The following AGBL1 variants were observed in gnomAD, a reference collection of about 807,000 sequenced individuals.
The protein encoded by AGBL1 is cytosolic carboxypeptidase 4.
A neutral mutation model predicts 118.9 loss-of-function variants in AGBL1; 130 were observed. The observed-to-expected ratio is 1.09, with a 90% CI of 0.95 to 1.26. The LOEUF is 1.26. Among genes scored for constraint, AGBL1 ranks in the 50% most tolerant of loss-of-function variants. The probability of loss-of-function intolerance (pLI) is 0.00; values close to 1 mark genes in which losing one functional copy is unlikely to be tolerated. For missense variants in AGBL1, 1,584 were observed against 1,298.1 expected (o/e 1.22, Z -3.38); for synonymous variants, 555 against 478.9 (o/e 1.16, Z -2.08).
rs541772047 is a variant in AGBL1 at position 86,883,406 on chromosome 15, C to A, written c.3159-23681C>A. Among the ~76,000 whole-genome samples the A allele has an allele frequency of 6.2e-4, 95 of 152,346 alleles. 1 individual carries two copies. The highest frequency in any genetic ancestry group is 2.2e-3 in the African/African-American group (91 of 41,588). The stretch of plus-strand genomic sequence containing the variant: ...CAGCATTCGCTGTGCACACTATGGT[C>A]TCCCATAATGCAGGATTTTGTGTGT... On this transcript the variant is annotated intron_variant, in intron 22 of 22. Transcript: ENST00000614907.
At chr15:86,376,170 G>A (rs1227769865) in intron 17 of AGBL1, among the ~76,000 whole-genome samples, 13 of 152,220 alleles carry the variant, frequency 8.5e-5, no homozygotes, top group Non-Finnish European at 1.5e-4. Flanking sequence ...GGAGAAAGAT[G>A]TCAGAAGGAT....
chr15:86,327,655 T>C (rs1032115577), intron 17 of AGBL1, among the ~76,000 whole-genome samples: 1 of 152,226 alleles, frequency 6.6e-6, no homozygotes, highest in South Asian at 2.1e-4. Context: ...CGAACCATTG[T>C]GAGCATATGG....
chr15:86,230,452 T>C (rs2078437743), intron 6 of AGBL1, among the ~76,000 whole-genome samples: 2 of 152,244 alleles, frequency 1.3e-5, no homozygotes, highest in South Asian at 4.1e-4. Flanking sequence ...CTCATGACCA[T>C]GCACAAGTAC....
In AGBL1 at chr15:86,613,456, G is replaced by T. The variant is rs1396529771; in HGVS notation, c.2994+58919G>T. ...AGATGAGTGGCAGGAGGAGCTGTGG[G>T]CATTTAGCTCAGACAGAGAAGGCTT... On this transcript the variant is annotated intron_variant, in intron 21 of 22. Coordinates refer to ENST00000614907, the MANE Select transcript of AGBL1 (RefSeq NM_001386094.1). This position sits in a 1 kb window ranked among gnomAD's most constrained non-coding sequence, Gnocchi z 4.2. Among the ~76,000 whole-genome samples the T allele has an allele frequency of 6.6e-6, 1 of 152,172 alleles. No individual in the cohort carries two copies. The highest frequency in any genetic ancestry group is 2.4e-5 in the African/African-American group (1 of 41,444).
At chr15:86,476,238 C>T (rs1394955643) in intron 18 of AGBL1, among the ~76,000 whole-genome samples, 3 of 152,104 alleles carry the variant, frequency 2.0e-5, no homozygotes, top group African/African-American at 7.2e-5. Flanking sequence ...CAATATTAAC[C>T]TTAAATGTAA....
intron 24 of AGBL1, among the ~76,000 whole-genome samples, chr15:86,999,247 T>A (rs2081410683): frequency 6.6e-6 from 1 of 151,532 alleles, no homozygotes. Context: ...TACTTTTAAG[T>A]TTTAGGGTAC....
At chr15:86,163,995 G>A (rs2077303092) in intron 5 of AGBL1, among the ~76,000 whole-genome samples, 1 of 152,208 alleles carries the variant, frequency 6.6e-6, no homozygotes, top group South Asian at 2.1e-4. Flanking sequence ...GGTGCCTTCT[G>A]GGAGAGAACT....
intron 22 of AGBL1, among the ~76,000 whole-genome samples, chr15:86,696,468 G>A (rs1417952731): frequency 6.6e-6 from 1 of 151,614 alleles, no homozygotes; most frequent in Non-Finnish European, 1.5e-5. Context: ...AAGTCTATAT[G>A]AGTCCTTATG....
chr15:86,874,100 G>A (rs2079769087), intron 22 of AGBL1, among the ~76,000 whole-genome samples: 1 of 152,046 alleles, frequency 6.6e-6, no homozygotes, highest in East Asian at 1.9e-4. Flanking sequence ...TTCAGCTATG[G>A]AAGTGCTTTG....
intron 3 of AGBL1, among the ~76,000 whole-genome samples, chr15:86,147,643 G>T (rs2077050788): frequency 6.6e-6 from 1 of 152,182 alleles, no homozygotes; most frequent in African/African-American, 2.4e-5. Context: ...GCTCTTCAAG[G>T]CCTACTGCCT....
intron 5 of AGBL1, among the ~76,000 whole-genome samples, chr15:86,195,104 C>T (rs1241304247): frequency 6.6e-6 from 1 of 152,050 alleles, no homozygotes; most frequent in East Asian, 1.9e-4. Flanking sequence ...TTATTGAGAG[C>T]TTACTATAGG....
intron 22 of AGBL1, among the ~76,000 whole-genome samples, chr15:86,862,534 A>G (rs976420186): frequency 1.3e-5 from 2 of 152,202 alleles, no homozygotes; most frequent in Non-Finnish European, 2.9e-5. Context: ...AGCCTGGCCA[A>G]CATGGTGGAA....
chr15:86,978,677 G>A (rs564637049), intron 23 of AGBL1, among the ~76,000 whole-genome samples: 1 of 152,174 alleles, frequency 6.6e-6, no homozygotes, highest in Non-Finnish European at 1.5e-5. Context: ...GATCACGTTA[G>A]CACCTCTGGG....
chr15:86,709,571 A>G lies in AGBL1; in HGVS notation c.3158+35135A>G, dbSNP rs1596391899. ...ATGCAAAGACATTCAACAAATGACA[A>G]TTTATGAAATACATAATGATATCGC... On this transcript the variant is annotated intron_variant, in intron 22 of 22. Transcript: ENST00000614907. Among the ~76,000 whole-genome samples, 4 of 152,170 alleles carry G rather than the reference A, an allele frequency of 2.6e-5. No homozygotes were observed. The East Asian group carries it at 5.8e-4, about 22-fold the overall frequency.
At chr15:86,467,463 C>T (rs766569503) in intron 18 of AGBL1, among the ~76,000 whole-genome samples, 36 of 152,322 alleles carry the variant, frequency 2.4e-4, no homozygotes, top group Non-Finnish European at 2.6e-4. Flanking sequence ...CTTCAGCCCC[C>T]TTTCCAGGGC....
intron 22 of AGBL1, among the ~76,000 whole-genome samples, chr15:86,826,658 G>T (rs973406170): frequency 6.6e-6 from 1 of 152,062 alleles, no homozygotes; most frequent in Non-Finnish European, 1.5e-5. Flanking sequence ...TGCTGTTAAT[G>T]TTACTGTTCT....
intron 22 of AGBL1, among the ~76,000 whole-genome samples, chr15:86,886,592 T>A (rs1449309819): frequency 6.6e-6 from 1 of 152,208 alleles, no homozygotes; most frequent in African/African-American, 2.4e-5. Context: ...AATGTGTCTC[T>A]GGCTTCTAAG....
At chr15:86,225,905 C>G (rs1407635774) in intron 6 of AGBL1, among the ~76,000 whole-genome samples, 2 of 152,032 alleles carry the variant, frequency 1.3e-5, no homozygotes, top group African/African-American at 4.8e-5. Context: ...ATGCTGTTTC[C>G]CTTTATAGGC....
At chr15:86,954,656 GA>G (rs2080912883) in intron 23 of AGBL1, among the ~76,000 whole-genome samples, 2 of 152,200 alleles carry the variant, frequency 1.3e-5, no homozygotes. Flanking sequence ...TAGAAGGGGG[GA>G]AAGAAGAGGA....
Sources: gnomAD v4.1 joint callset for allele counts (sites outside exome capture counted in the v4.1 genomes callset) on GRCh38, gnomAD v4.1.1 for gene constraint, Gnocchi (gnomAD v3.1) non-coding constraint, MANE v1.5 for transcripts, NCBI Gene and HGNC (gene_info 2026-07-23, HGNC 2026-07-21) for gene names.